The following CGNL1 variants were observed in gnomAD, a reference collection of about 807,000 sequenced individuals.
CGNL1 encodes cingulin-like protein 1.
Under a neutral mutation model 141.2 loss-of-function variants are expected in CGNL1, and 132 were observed. The ratio of observed to expected loss-of-function variants is 0.93; its 90% CI spans 0.81 to 1.08. The LOEUF (loss-of-function observed/expected upper bound fraction) is 1.08, where lower values mean the gene tolerates loss of function less well. CGNL1 is among the 50% of genes least tolerant of loss of function. CGNL1 has a pLI of 0.00. For synonymous variants in CGNL1, 690 were observed against 622.1 expected, an observed-to-expected ratio of 1.11 and a Z score of -1.63; for missense variants, 1,870 against 1,588.6, an observed-to-expected ratio of 1.18 and a Z score of -3.01.
rs1595796293 is a variant in CGNL1 at position 57,524,653 on chromosome 15, A to G, written c.2941A>G (p.Lys981Glu). The G allele has an allele frequency of 6.2e-7, 1 of 1,614,200 alleles. No individual in the cohort carries two copies. The highest frequency in any genetic ancestry group is 1.1e-5 in the South Asian group (1 of 91,080). ...GAACCAGCTGGATGAGTATAAGGAGAAAAACCGCAGGGAGCTCGCAGAAAT... is the reference window on the plus strand; with the variant it reads ...GAACCAGCTGGATGAGTATAAGGAGGAAAACCGCAGGGAGCTCGCAGAAAT... The part of the protein sequence containing the change: ...LQNQLDEYKE[K>E]NRRELAEMQR... Residue 981 changes from lysine to glutamate, a missense_variant, in exon 12 of 19, where the codon AAA becomes GAA. By Grantham distance (56) the Lys-to-Glu change is moderately conservative. Transcript: ENST00000281282.
intron 14 of CGNL1, among the ~76,000 whole-genome samples, chr15:57,540,694 G>C (rs115553394): frequency 4.5e-4 from 69 of 152,276 alleles, no homozygotes; most frequent in African/African-American, 1.6e-3. Flanking sequence ...CCAGCACACT[G>C]TCCTTTCCTG....
intron 10 of CGNL1, among the ~76,000 whole-genome samples, chr15:57,522,090 C>T (rs1383944725): frequency 2.0e-5 from 3 of 152,226 alleles, no homozygotes; most frequent in Non-Finnish European, 4.4e-5. Flanking sequence ...CCAGCAGCAG[C>T]TGTGCTGGAG....
intron 6 of CGNL1, among the ~76,000 whole-genome samples, chr15:57,452,834 C>T (rs747863397): frequency 1.8e-4 from 27 of 152,124 alleles, no homozygotes; most frequent in Non-Finnish European, 2.8e-4. Flanking sequence ...AGTGCTATGA[C>T]GTTCTGTGGA....
intron 8 of CGNL1, among the ~76,000 whole-genome samples, chr15:57,505,869 G>A (rs2064094947): frequency 6.6e-6 from 1 of 152,176 alleles, no homozygotes; most frequent in African/African-American, 2.4e-5. Flanking sequence ...TTCTGAAAAT[G>A]GCATGATTTT....
chr15:57,542,720 C>T, intron 14 of CGNL1, among the ~76,000 whole-genome samples: 1 of 152,192 alleles, frequency 6.6e-6, no homozygotes, highest in East Asian at 1.9e-4. Flanking sequence ...GTCAGGAGCA[C>T]AGGTGAATGC....
intron 4 of CGNL1, among the ~76,000 whole-genome samples, chr15:57,446,334 C>T (rs1253803350): frequency 1.3e-5 from 2 of 152,184 alleles, no homozygotes; most frequent in Non-Finnish European, 2.9e-5. Flanking sequence ...TCCCATCACC[C>T]AGGTTTCCTG....
At chr15:57,421,749 G>C (rs577766961) in intron 1 of CGNL1, among the ~76,000 whole-genome samples, 4 of 152,120 alleles carry the variant, frequency 2.6e-5, no homozygotes, top group African/African-American at 4.8e-5. Flanking sequence ...CTGCTCTTCA[G>C]TATGCAGAGC....
intron 1 of CGNL1, among the ~76,000 whole-genome samples, chr15:57,418,938 T>C (rs1330928658): frequency 6.6e-6 from 1 of 151,988 alleles, no homozygotes; most frequent in Non-Finnish European, 1.5e-5. Context: ...GGTGCCTTTT[T>C]TTTTTTTGAG....
chr15:57,518,915 C>T (rs1192477020), intron 10 of CGNL1, among the ~76,000 whole-genome samples: 3 of 152,204 alleles, frequency 2.0e-5, no homozygotes, highest in African/African-American at 4.8e-5. Context: ...GTGAGAAGGC[C>T]GGCAGGACTG....
chr15:57,528,891 C>T, intron 13 of CGNL1, 76 bp downstream of exon 13: 1 of 1,485,390 alleles, frequency 6.7e-7, no homozygotes, highest in Non-Finnish European at 9.1e-7. Context: ...AGCCTCTTTG[C>T]TCTCAGCTCA....
chr15:57,499,621 G>C (rs1188877373), intron 8 of CGNL1, among the ~76,000 whole-genome samples: 1 of 152,068 alleles, frequency 6.6e-6, no homozygotes, highest in African/African-American at 2.4e-5. Context: ...GAAAGGACTC[G>C]ACCACAAGAA....
intron 1 of CGNL1, among the ~76,000 whole-genome samples, chr15:57,407,803 C>T (rs1043919792): frequency 1.4e-5 from 2 of 145,936 alleles, no homozygotes; most frequent in South Asian, 2.1e-4. Context: ...GGCTGGAGTA[C>T]AGTGGCATGA....
intron 14 of CGNL1, among the ~76,000 whole-genome samples, chr15:57,535,511 T>C (rs1257703421): frequency 1.3e-5 from 2 of 151,890 alleles, no homozygotes; most frequent in Non-Finnish European, 2.9e-5. Context: ...ACCAAGGGGA[T>C]TGGGAATGGG....
At chr15:57,478,410 G>C (rs115635098) in intron 8 of CGNL1, 1 of 152,286 alleles carries the variant, frequency 6.6e-6, no homozygotes, top group Admixed American at 6.5e-5. Flanking sequence ...CTGGTGCTGC[G>C]AGAAGGTTCA....
At chr15:57,432,273 T>G (rs1324162110) in intron 1 of CGNL1, among the ~76,000 whole-genome samples, 12 of 152,214 alleles carry the variant, frequency 7.9e-5, no homozygotes, top group African/African-American at 2.2e-4. Context: ...ATGCAGGTCC[T>G]GGAGGTGCCA....
intron 1 of CGNL1, among the ~76,000 whole-genome samples, chr15:57,415,508 C>T (rs1398079): frequency 0.25 from 38,030 of 152,166 alleles, 5,237 homozygotes; most frequent in East Asian, 0.35. Flanking sequence ...GAGACAGAGT[C>T]TCCCTAAAAT....
intron 1 of CGNL1, among the ~76,000 whole-genome samples, chr15:57,400,938 A>T (rs1178797472): frequency 2.7e-5 from 4 of 150,158 alleles, no homozygotes; most frequent in African/African-American, 9.8e-5. Context: ...AAATTGAAGC[A>T]TTACAAAAAT....
intron 1 of CGNL1, among the ~76,000 whole-genome samples, chr15:57,391,982 T>G (rs34017436): frequency 1.9e-4 from 28 of 147,068 alleles, no homozygotes; most frequent in South Asian, 2.2e-4. Context: ...TTCCCCCCCC[T>G]CACCTGACAC....
At chr15:57,390,160 G>A (rs1425143490) in intron 1 of CGNL1, among the ~76,000 whole-genome samples, 4 of 152,150 alleles carry the variant, frequency 2.6e-5, no homozygotes, top group African/African-American at 4.8e-5. Context: ...TTTTCCCCTC[G>A]CTCAGCTGTT....
Sources: allele counts gnomAD v4.1 joint callset (sites outside exome capture counted in the v4.1 genomes callset), GRCh38; gene constraint gnomAD v4.1.1; transcripts MANE v1.5; gene names NCBI Gene and HGNC (gene_info 2026-07-23, HGNC 2026-07-21).